The following PLEKHG1 variants were observed in gnomAD, a reference collection of about 807,000 sequenced individuals.
PLEKHG1 encodes pleckstrin homology domain-containing family G member 1.
PLEKHG1 carries 44 observed loss-of-function variants against 100.8 expected under a neutral mutation model. That is an observed-to-expected ratio of 0.44 (90% CI 0.34 to 0.56). PLEKHG1 has a LOEUF of 0.56. Ranked by LOEUF, PLEKHG1 falls within the 20% of genes least tolerant of loss-of-function variation. The pLI is 0.01. For missense variants in PLEKHG1, 1,545 were observed against 1,720.9 expected (o/e 0.90, Z 1.81); for synonymous variants, 640 against 662.5 (o/e 0.97, Z 0.52).
intron 3 of PLEKHG1, among the ~76,000 whole-genome samples, chr6:150,674,680 T>TCTCC (rs1381056476): frequency 3.3e-4 from 44 of 132,878 alleles, no homozygotes; most frequent in African/African-American, 1.2e-3. Flanking sequence ...TCTCTCTCTC[T>TCTCC]CTCCCCCCTC....
chr6:150,839,291 A>G (rs1583229468), intron 15 of PLEKHG1, among the ~76,000 whole-genome samples: 1 of 151,868 alleles, frequency 6.6e-6, no homozygotes, highest in African/African-American at 2.4e-5. Context: ...AATTTTTGTA[A>G]TTTTAGTAGA....
At chr6:150,660,635 T>G (rs1057180496) in intron 3 of PLEKHG1, among the ~76,000 whole-genome samples, 2 of 152,234 alleles carry the variant, frequency 1.3e-5, no homozygotes, top group Non-Finnish European at 2.9e-5. Flanking sequence ...TTAGTTTATT[T>G]AAGCACCTCA....
chr6:150,828,912 A>G (rs1776762185), intron 14 of PLEKHG1, among the ~76,000 whole-genome samples: 1 of 152,192 alleles, frequency 6.6e-6, no homozygotes, highest in South Asian at 2.1e-4. Flanking sequence ...CATATATATG[A>G]ACAAATATTA....
intron 7 of PLEKHG1, among the ~76,000 whole-genome samples, chr6:150,807,055 C>T (rs1160933667): frequency 3.3e-5 from 5 of 152,116 alleles, no homozygotes; most frequent in Admixed American, 6.6e-5. Context: ...TCATGTTTCT[C>T]AATGCTTGTG....
chr6:150,648,907 T>C (rs76077246), intron 2 of PLEKHG1, among the ~76,000 whole-genome samples: 6,623 of 152,254 alleles, frequency 0.043, 333 homozygotes, highest in African/African-American at 0.1. Flanking sequence ...TTTCATCTTT[T>C]CTGTTTCTGT....
chr6:150,812,694 C>G (rs753112755), intron 10 of PLEKHG1, among the ~76,000 whole-genome samples: 12 of 152,024 alleles, frequency 7.9e-5, no homozygotes, highest in African/African-American at 1.7e-4. Flanking sequence ...TCGTCTGGCT[C>G]GAATGCCGAG....
At chr6:150,774,317 C>T (rs932447048) in intron 3 of PLEKHG1, among the ~76,000 whole-genome samples, 7 of 152,116 alleles carry the variant, frequency 4.6e-5, no homozygotes, top group African/African-American at 1.7e-4. Flanking sequence ...TTTAGACAAA[C>T]ACTTTTTTCC....
chr6:150,602,822 G>A (rs1776409233), intron 1 of PLEKHG1, among the ~76,000 whole-genome samples: 1 of 152,072 alleles, frequency 6.6e-6, no homozygotes, highest in Non-Finnish European at 1.5e-5. Context: ...TGGTTGCATG[G>A]AGACATATTT....
At chr6:150,685,422 A>G (rs1780087008) in intron 3 of PLEKHG1, among the ~76,000 whole-genome samples, 1 of 152,148 alleles carries the variant, frequency 6.6e-6, no homozygotes, top group Non-Finnish European at 1.5e-5. Context: ...TTCCCGTGGA[A>G]AAGAGGAATC....
intron 1 of PLEKHG1, among the ~76,000 whole-genome samples, chr6:150,605,337 A>AGGCTG (rs1776554257): frequency 6.6e-6 from 1 of 152,232 alleles, no homozygotes; most frequent in African/African-American, 2.4e-5. Context: ...CTTTGAAGTC[A>AGGCTG]GGCTGAGCTG....
chr6:150,696,396 G>A (rs1780546109), intron 3 of PLEKHG1, among the ~76,000 whole-genome samples: 1 of 152,198 alleles, frequency 6.6e-6, no homozygotes, highest in Non-Finnish European at 1.5e-5. Flanking sequence ...AAGAAAATCT[G>A]CAGTTTTCCA....
In PLEKHG1 at chr6:150,674,684, C is replaced by CT. The variant is rs1562427910; in HGVS notation, c.-99+23898_-99+23899insT. On this transcript the variant is annotated intron_variant, in intron 3 of 3. Transcript: ENST00000367326. ...CTCTCTCTCTCTCTCTCTCTCTCTC[C>CT]CCCCTCTTCTCTTCTTTCCATGGAG... Among the ~76,000 whole-genome samples the CT allele has an allele frequency of 7.0e-3, 510 of 73,258 alleles. 25 individuals carry two copies. Among genetic ancestry groups the CT allele is most frequent in the South Asian group, 0.017 (35 of 2,048 alleles). 48.1% of individuals were successfully genotyped at this position (73,258 alleles called of 152,430 possible).
intron 11 of PLEKHG1, among the ~76,000 whole-genome samples, chr6:150,819,437 C>G (rs184845551): frequency 6.6e-6 from 1 of 151,946 alleles, no homozygotes; most frequent in Non-Finnish European, 1.5e-5. Context: ...TGGTGGCACG[C>G]GCCTGTAGTC....
intron 1 of PLEKHG1, among the ~76,000 whole-genome samples, chr6:150,615,561 T>C (rs1000641038): frequency 2.6e-5 from 4 of 152,238 alleles, no homozygotes; most frequent in Admixed American, 1.3e-4. Flanking sequence ...ATAAATCTTA[T>C]ATATTGATTT....
At chr6:150,816,827 T>C (rs1775985708) in intron 10 of PLEKHG1, among the ~76,000 whole-genome samples, 1 of 152,184 alleles carries the variant, frequency 6.6e-6, no homozygotes, top group African/African-American at 2.4e-5. Context: ...TGCTCCTCAG[T>C]GCTAGCATCA....
chr6:150,822,150 CAAAAAAAAAAAAAAAAAA>C (rs58672381), intron 13 of PLEKHG1, among the ~76,000 whole-genome samples: 1 of 36,700 alleles, frequency 2.7e-5, no homozygotes, highest in Non-Finnish European at 4.9e-5. Flanking sequence ...CCAAAGGACT[CAAAAAAAAAAAAAAAAAA>C]AAAAAAAAAA....
chr6:150,659,902 C>T (rs967740008), intron 3 of PLEKHG1, among the ~76,000 whole-genome samples: 1 of 152,204 alleles, frequency 6.6e-6, no homozygotes, highest in Admixed American at 6.5e-5. Flanking sequence ...GCATGGCACA[C>T]AGTCTGGTGC....
At chr6:150,739,870 G>A (rs1782761134) in intron 2 of PLEKHG1, among the ~76,000 whole-genome samples, 2 of 152,100 alleles carry the variant, frequency 1.3e-5, no homozygotes, top group African/African-American at 2.4e-5. Flanking sequence ...TTGAGTGATC[G>A]TACAGACAGT....
chr6:150,690,032 T>A (rs999151718), intron 3 of PLEKHG1, among the ~76,000 whole-genome samples: 1 of 152,068 alleles, frequency 6.6e-6, no homozygotes, highest in African/African-American at 2.4e-5. Context: ...TTATAAGCAT[T>A]TTACTGTACC....
Sources: allele counts gnomAD v4.1 joint callset (sites outside exome capture counted in the v4.1 genomes callset), GRCh38; gene constraint gnomAD v4.1.1; transcripts MANE v1.5; gene names NCBI Gene and HGNC (gene_info 2026-07-23, HGNC 2026-07-21).